RIC3: variants seen among roughly 807,000 people sequenced by gnomAD.
RIC3 encodes protein RIC-3.
In RIC3, 28 loss-of-function variants were observed where a neutral mutation model predicts 27.3. The ratio of observed to expected loss-of-function variants is 1.02; its 90% confidence interval spans 0.76 to 1.41. The LOEUF is 1.41. Among genes scored for constraint, RIC3 ranks in the 40% most tolerant of loss-of-function variants. RIC3 has a pLI of 0.00. For missense variants in RIC3, 501 were observed against 444.7 expected, an observed-to-expected ratio of 1.13 and a Z score of -1.14; for synonymous variants, 184 against 160.4, an observed-to-expected ratio of 1.15 and a Z score of -1.11.
intron 1 of RIC3, among the ~76,000 whole-genome samples, chr11:8,151,998 G>C (rs576217341): frequency 6.6e-6 from 1 of 151,758 alleles, no homozygotes; most frequent in African/African-American, 2.4e-5. Context: ...GCACAGGAAA[G>C]GATGCTTAAC....
the RIC3 span, chr11:8,097,581 C>G: frequency 7.5e-7 from 1 of 1,324,546 alleles, no homozygotes; most frequent in South Asian, 1.3e-5. Flanking sequence ...TTGTGTTTTC[C>G]AGTGCATTTG....
intron 1 of RIC3, among the ~76,000 whole-genome samples, chr11:8,153,037 G>A (rs1406952662): frequency 6.6e-6 from 1 of 152,132 alleles, no homozygotes; most frequent in Admixed American, 6.5e-5. Context: ...ACTGATTAAA[G>A]AAGTTAATTG....
intron 1 of RIC3, among the ~76,000 whole-genome samples, chr11:8,158,729 T>A (rs912587184): frequency 1.4e-5 from 1 of 73,800 alleles, no homozygotes; most frequent in African/African-American, 8.1e-5. Context: ...AGTTAAGAAG[T>A]TTTTTGTTTG....
At chr11:8,101,856 G>GATACTGCGA, downstream of RIC3, 8 of 482,846 alleles carry the variant, frequency 1.7e-5, no homozygotes, top group South Asian at 1.1e-4. Context: ...TTCTTTCCAT[G>GATACTGCGA]CCACGAGATC....
chr11:8,146,859 C>G lies in RIC3; in HGVS notation c.125-6666G>C, dbSNP rs529636819. Among the ~76,000 whole-genome samples the G allele has an allele frequency of 2.0e-5, 3 of 152,212 alleles. No individual in the cohort carries two copies. In the South Asian group the frequency reaches 6.2e-4, roughly 32 times the overall value. On this transcript the variant is annotated intron_variant, in intron 1 of 5. Transcript: ENST00000309737. ...AAATGTTTAGATTAAGATAAAGGGT[C>G]CTGGCGACCAGGTTTTTCAATTTTA... is the stretch of plus-strand genomic sequence containing the variant.
At chr11:8,103,856 G>C (rs1944406621), downstream of RIC3, 1 of 152,396 alleles carries the variant, frequency 6.6e-6, no homozygotes, top group Non-Finnish European at 1.5e-5. Flanking sequence ...CCCGGTGGCA[G>C]TGGAAAAATC....
intron 1 of RIC3, among the ~76,000 whole-genome samples, chr11:8,162,646 T>TC (rs1951285431): frequency 1.4e-5 from 2 of 145,774 alleles, no homozygotes; most frequent in African/African-American, 2.5e-5. Flanking sequence ...TTTTTTTTTT[T>TC]TTTTTTTTTC....
At chr11:8,143,331 C>T (rs1949282762) in intron 1 of RIC3, among the ~76,000 whole-genome samples, 4 of 151,630 alleles carry the variant, frequency 2.6e-5, no homozygotes, top group Admixed American at 2.6e-4. Context: ...TCAGCAAAGT[C>T]TCAGGATACA....
chr11:8,119,572 G>A (rs897974657), intron 5 of RIC3, among the ~76,000 whole-genome samples: 1 of 152,080 alleles, frequency 6.6e-6, no homozygotes, highest in African/African-American at 2.4e-5. Flanking sequence ...TTAAATGTTA[G>A]ACCTAAAACC....
At position 8,106,288 on chromosome 11, in the gene RIC3, T is replaced by G. The variant is rs544859370; in HGVS notation, c.*4410A>C. 1.3e-5 allele frequency: 2 copies of G among 152,356 alleles called. No homozygotes were observed. The highest frequency in any genetic ancestry group is 4.8e-5 in the African/African-American group (2 of 41,576). 9.4% of individuals were successfully genotyped at this position (152,356 alleles called of 1,614,324 possible). On this transcript the variant is annotated 3_prime_UTR_variant, in exon 6 of 6. Transcript: ENST00000309737. ...TAAAGGGGAAAAAAGCCCTGTTTAC[T>G]TCCTAATTTTTTTCTATACCTTTCA... is the stretch of plus-strand genomic sequence containing the variant.
chr11:8,130,533 T>C (rs4758295), intron 4 of RIC3, among the ~76,000 whole-genome samples: 29,260 of 152,140 alleles, frequency 0.19, 3,493 homozygotes, highest in African/African-American at 0.33. Context: ...GAGTTGGCTG[T>C]CTGCAACCAA....
intron 4 of RIC3, among the ~76,000 whole-genome samples, chr11:8,134,360 A>C (rs944066610): frequency 1.3e-5 from 2 of 152,146 alleles, no homozygotes; most frequent in African/African-American, 4.8e-5. Context: ...ATTCCATGGT[A>C]TATATGTGCC....
At chr11:8,130,011 CTTAG>C (rs1469624391) in intron 4 of RIC3, among the ~76,000 whole-genome samples, 1 of 152,200 alleles carries the variant, frequency 6.6e-6, no homozygotes, top group Non-Finnish European at 1.5e-5. Context: ...TGTATTTTAT[CTTAG>C]TTAATGCCAT....
intron 5 of RIC3, among the ~76,000 whole-genome samples, chr11:8,116,842 A>G (rs1320258093): frequency 1.3e-5 from 2 of 152,262 alleles, no homozygotes; most frequent in East Asian, 1.9e-4. Context: ...TATGGAAAAC[A>G]GTATACTGGC....
Position 8,111,361 on chromosome 11 carries a change from TC to T in RIC3, c.671-225del, listed in dbSNP as rs528439281. Among the ~76,000 whole-genome samples, 396 of 152,298 alleles carry T rather than the reference TC, an allele frequency of 2.6e-3. 3 individuals carry two copies. The highest frequency in any genetic ancestry group is 8.5e-3 in the African/African-American group (355 of 41,552). On this transcript the variant is annotated intron_variant, in intron 5 of 5. Transcript: ENST00000309737. ...AAATACAAACTAATTCAGATGAAAA[TC>T]CCTTCTTATGTGTAGGGTGCTTGGG...
At chr11:8,128,305 AAC>A (rs1565008701) in intron 4 of RIC3, 2 of 457,012 alleles carry the variant, frequency 4.4e-6, no homozygotes, top group Non-Finnish European at 8.8e-6. Context: ...CAATGAATGA[AAC>A]AGTCTTAATT....
rs773259414 is a variant in RIC3 at position 8,126,712 on chromosome 11, C to G, written c.617G>C (p.Arg206Thr). The change falls in exon 5 of 6, where the codon AGA becomes ACA. Residue 206 changes from arginine to threonine, a missense_variant. By Grantham distance (71) the Arg-to-Thr change is moderately conservative. Transcript: ENST00000309737. ...CTCAGCTTCTTTCTCTGGAGAAAAT[C>G]TGTCAATGAATTTTCCTTCTTTCAT... ...RVMKEGKFID[R>T]FSPEKEAEEA... The G allele has an allele frequency of 6.2e-7, 1 of 1,614,192 alleles. No individual in the cohort carries two copies. The highest frequency in any genetic ancestry group is 1.7e-5 in the Admixed American group (1 of 60,022).
At chr11:8,100,284 C>T in the RIC3 span, among the ~76,000 whole-genome samples, 7 of 152,072 alleles carry the variant, frequency 4.6e-5, no homozygotes, top group Non-Finnish European at 1.0e-4. Context: ...AACAGCATTG[C>T]CGTGAGCAGA....
chr11:8,147,080 T>C (rs1949760923), intron 1 of RIC3, among the ~76,000 whole-genome samples: 2 of 152,222 alleles, frequency 1.3e-5, no homozygotes, highest in Admixed American at 6.5e-5. Context: ...TTGGAAAGGC[T>C]AATCAGAAAT....
Sources: allele counts gnomAD v4.1 joint callset (sites outside exome capture counted in the v4.1 genomes callset), GRCh38; gene constraint gnomAD v4.1.1; transcripts MANE v1.5; gene names NCBI Gene and HGNC (gene_info 2026-07-23, HGNC 2026-07-21).